The following NINL variants were observed in gnomAD, a reference collection of about 807,000 sequenced individuals.
NINL encodes the protein ninein like, also known as ninein-like protein.
In NINL, 153 loss-of-function variants were observed where a neutral mutation model predicts 160.3. The observed-to-expected ratio is 0.95, with a 90% CI of 0.84 to 1.09. The LOEUF (loss-of-function observed/expected upper bound fraction) is 1.09. Among genes scored for constraint, NINL ranks in the 50% least tolerant of loss-of-function variants. NINL has a pLI of 0.00. For synonymous variants in NINL, 800 were observed against 734.8 expected (o/e 1.09, Z -1.43); for missense variants, 1,829 against 1,764.0 (o/e 1.04, Z -0.66).
At chr20:25,544,045 C>A (rs2064703704) in intron 1 of NINL, among the ~76,000 whole-genome samples, 1 of 129,058 alleles carries the variant, frequency 7.7e-6, no homozygotes, top group Admixed American at 7.3e-5. Flanking sequence ...TTGTAGTGAG[C>A]TTCAAAACTA....
chr20:25,486,603 C>T (rs989428769), intron 13 of NINL, among the ~76,000 whole-genome samples: 6 of 146,884 alleles, frequency 4.1e-5, no homozygotes, highest in African/African-American at 1.5e-4. Context: ...AGAAGGAAGG[C>T]GACACCGCTC....
chr20:25,570,049 G>C (rs1376807088), intron 1 of NINL, among the ~76,000 whole-genome samples: 5 of 152,082 alleles, frequency 3.3e-5, no homozygotes, highest in Non-Finnish European at 5.9e-5. Context: ...TGGGCATGGT[G>C]GGCACCTGTA....
chr20:25,477,926 C>CT (rs34667640), intron 16 of NINL, among the ~76,000 whole-genome samples: 58,165 of 142,964 alleles, frequency 0.41, 12,608 homozygotes, highest in East Asian at 0.91. Flanking sequence ...GGACAGACGA[C>CT]TTTTTTTTTT....
chr20:25,493,647 G>C (rs430595), intron 10 of NINL, among the ~76,000 whole-genome samples: 1 of 152,058 alleles, frequency 6.6e-6, no homozygotes, highest in East Asian at 1.9e-4. Context: ...GGGCCGGGGG[G>C]CATCTTTTGG....
At chr20:25,566,442 C>T (rs1276230515) in intron 1 of NINL, among the ~76,000 whole-genome samples, 1 of 151,614 alleles carries the variant, frequency 6.6e-6, no homozygotes, top group South Asian at 2.1e-4. Flanking sequence ...TCTGAATACA[C>T]AAAGCAAGCA....
chr20:25,466,360 A>G (rs1404648616), intron 19 of NINL, among the ~76,000 whole-genome samples: 2 of 152,152 alleles, frequency 1.3e-5, no homozygotes, highest in Admixed American at 6.6e-5. Flanking sequence ...ACACACATAC[A>G]CATGCACACG....
chr20:25,524,649 G>T (rs1010692740), intron 2 of NINL, among the ~76,000 whole-genome samples: 4 of 152,138 alleles, frequency 2.6e-5, no homozygotes, highest in African/African-American at 9.7e-5. Flanking sequence ...TAACCCAAGC[G>T]AATTTCTCTC....
chr20:25,568,978 C>T (rs1427427392), intron 1 of NINL, among the ~76,000 whole-genome samples: 1 of 151,264 alleles, frequency 6.6e-6, no homozygotes, highest in African/African-American at 2.4e-5. Flanking sequence ...ACCTGTAATC[C>T]CAGCACTTTG....
intron 9 of NINL, 113 bp from the exon 10 acceptor site, chr20:25,496,916 T>C (rs901603198): frequency 1.4e-6 from 2 of 1,381,632 alleles, no homozygotes; most frequent in African/African-American, 1.4e-5. Flanking sequence ...GCACACCAAC[T>C]ATACAGCGGG....
chr20:25,557,624 T>C (rs1197489476), intron 1 of NINL, among the ~76,000 whole-genome samples: 3 of 151,840 alleles, frequency 2.0e-5, no homozygotes, highest in Non-Finnish European at 2.9e-5. Flanking sequence ...AGATATATCA[T>C]AAATGTATAA....
intron 11 of NINL, 124 bp from the exon 12 acceptor site, chr20:25,490,109 G>T (rs6050643): frequency 1.2e-6 from 1 of 862,774 alleles, no homozygotes; most frequent in Non-Finnish European, 1.9e-6. Context: ...ACCCACCGCA[G>T]GCGAGGCACC....
intron 1 of NINL, among the ~76,000 whole-genome samples, chr20:25,530,900 C>T (rs2064446268): frequency 6.6e-6 from 1 of 152,138 alleles, no homozygotes; most frequent in Admixed American, 6.6e-5. Context: ...TTGATAACAT[C>T]TTATCAGGAG....
chr20:25,554,025 G>A (rs1011510324), intron 1 of NINL, among the ~76,000 whole-genome samples: 1 of 152,226 alleles, frequency 6.6e-6, no homozygotes, highest in African/African-American at 2.4e-5. Flanking sequence ...GGCAGGGCAC[G>A]GGTCAGGGCA....
chr20:25,462,505 C>T lies in NINL; in HGVS notation c.3460G>A (p.Val1154Ile). The change falls in exon 20 of 24, where the codon GTC (valine) becomes ATC (isoleucine). Residue 1154 changes from valine to isoleucine, a missense_variant. Val to Ile is a conservative substitution (Grantham distance 29). Transcript: ENST00000278886. ...TCCTGTCCCAGTTGAAGAACCCTGA[C>T]ATTGAGCTGGGATAATTGATCCTTG... ...NYKDQLSQLN[V>I]RVLQLGQEAS... is the part of the protein sequence containing the mutation. The T allele has an allele frequency of 6.2e-7, 1 of 1,614,176 alleles. No individual in the cohort carries two copies. The highest frequency in any genetic ancestry group is 8.5e-7 in the Non-Finnish European group (1 of 1,180,018).
At chr20:25,460,713 C>T (rs1269164107) in intron 21 of NINL, among the ~76,000 whole-genome samples, 1 of 152,168 alleles carries the variant, frequency 6.6e-6, no homozygotes, top group Non-Finnish European at 1.5e-5. Context: ...CAGCTGACCC[C>T]TCTGTGCCTC....
chr20:25,515,306 G>A (rs1326929038), intron 3 of NINL, among the ~76,000 whole-genome samples: 2 of 152,246 alleles, frequency 1.3e-5, no homozygotes, highest in African/African-American at 4.8e-5. Context: ...AGACTTGCAT[G>A]GGGCCTGTAG....
At chr20:25,479,304 CAA>C in intron 15 of NINL, 98 bp from the exon 16 acceptor site, 1 of 1,460,068 alleles carries the variant, frequency 6.8e-7, no homozygotes. Context: ...GCACAACGTG[CAA>C]AGACCGGCAT....
At chr20:25,529,783 G>A (rs2064425026) in intron 1 of NINL, among the ~76,000 whole-genome samples, 1 of 152,178 alleles carries the variant, frequency 6.6e-6, no homozygotes, top group Admixed American at 6.5e-5. Context: ...CGAGGCTGCA[G>A]TGAGCTGTGA....
At chr20:25,469,867 G>C in intron 18 of NINL, 124 bp downstream of exon 18, 2 of 692,740 alleles carry the variant, frequency 2.9e-6, no homozygotes, top group South Asian at 3.6e-5. Context: ...CATGGTTTAG[G>C]GTTTTCTGGA....
Sources: gnomAD v4.1 joint callset for allele counts (sites outside exome capture counted in the v4.1 genomes callset) on GRCh38, gnomAD v4.1.1 for gene constraint, MANE v1.5 for transcripts, NCBI Gene and HGNC (gene_info 2026-07-23, HGNC 2026-07-21) for gene names.